Variants in CENPW observed in about 807,000 individuals in gnomAD.
The protein encoded by CENPW is centromere protein W.
A neutral mutation model predicts 11.1 loss-of-function variants in CENPW; 3 were observed. That is an observed-to-expected ratio of 0.27 (90% CI 0.12 to 0.70). The LOEUF (loss-of-function observed/expected upper bound fraction) is 0.70, where lower values mean the gene tolerates loss of function less well. Among genes scored for constraint, CENPW ranks in the 30% least tolerant of loss-of-function variants. CENPW has a pLI of 0.77. For synonymous variants in CENPW, 38 were observed against 42.0 expected, an observed-to-expected ratio of 0.91 and a Z score of 0.37; for missense variants, 100 against 105.6, an observed-to-expected ratio of 0.95 and a Z score of 0.23.
chr6:126,400,946 C>T, the CENPW span, among the ~76,000 whole-genome samples: 1 of 151,932 alleles, frequency 6.6e-6, no homozygotes, highest in Non-Finnish European at 1.5e-5. Context: ...CTGATATTGT[C>T]CAACTTTTTC....
At position 126,348,555 on chromosome 6, in the gene CENPW, G is replaced by C; in HGVS notation, c.*63G>C. Reference sequence around the variant, plus strand: ...CTTTTGGGTGGTAACAGATCATAAAGACATTTTTTACACATCAGTTAATAT... The same window carrying C: ...CTTTTGGGTGGTAACAGATCATAAACACATTTTTTACACATCAGTTAATAT... On this transcript the variant is annotated 3_prime_UTR_variant, in exon 3 of 3. Coordinates refer to ENST00000368328, the MANE Select transcript of CENPW (RefSeq NM_001012507.4). The C allele has an allele frequency of 1.0e-6, 1 of 990,014 alleles. No individual in the cohort carries two copies. Among genetic ancestry groups the C allele is most frequent in the Non-Finnish European group, 1.6e-6 (1 of 628,344 alleles). 61.3% of individuals were successfully genotyped at this position (990,014 alleles called of 1,614,324 possible). A position where few individuals can be genotyped will look rare whatever the true frequency, so the allele number is the denominator to read the frequency against.
chr6:126,380,843 A>G, the CENPW span, among the ~76,000 whole-genome samples: 1 of 152,192 alleles, frequency 6.6e-6, no homozygotes, highest in East Asian at 1.9e-4. Context: ...TAACAATGAC[A>G]TAGGAACCTT....
At chr6:126,459,301 G>C in the CENPW span, among the ~76,000 whole-genome samples, 1 of 151,272 alleles carries the variant, frequency 6.6e-6, no homozygotes. Flanking sequence ...AACTTTGCTA[G>C]AGAGTCTATA....
At chr6:126,361,095 C>T in the CENPW span, among the ~76,000 whole-genome samples, 1 of 152,088 alleles carries the variant, frequency 6.6e-6, no homozygotes, top group East Asian at 1.9e-4. Flanking sequence ...GGGTTCATTT[C>T]GCGATGCATT....
chr6:126,437,970 C>A, the CENPW span, among the ~76,000 whole-genome samples: 1 of 151,584 alleles, frequency 6.6e-6, no homozygotes, highest in East Asian at 1.9e-4. Context: ...TATAAAAACA[C>A]TTTTATATGA....
At chr6:126,468,188 C>A in the CENPW span, among the ~76,000 whole-genome samples, 2 of 151,674 alleles carry the variant, frequency 1.3e-5, no homozygotes, top group East Asian at 3.9e-4. Context: ...GGGAGGCTGA[C>A]GGGGGGCAGA....
At chr6:126,429,055 C>T in the CENPW span, among the ~76,000 whole-genome samples, 1 of 152,032 alleles carries the variant, frequency 6.6e-6, no homozygotes, top group Non-Finnish European at 1.5e-5. Context: ...GTTTGTACAA[C>T]AATTTATTTA....
At chr6:126,448,139 A>G in the CENPW span, among the ~76,000 whole-genome samples, 131 of 151,274 alleles carry the variant, frequency 8.7e-4, 1 homozygote, top group African/African-American at 2.9e-3. Flanking sequence ...TCATCCTTAG[A>G]CAGGTAGCAT....
chr6:126,434,184 G>A, the CENPW span, among the ~76,000 whole-genome samples: 1 of 152,028 alleles, frequency 6.6e-6, no homozygotes, highest in Admixed American at 6.6e-5. Context: ...AAGAGTTATG[G>A]TAGTGCTATC....
At chr6:126,455,739 GAA>G in the CENPW span, among the ~76,000 whole-genome samples, 6 of 151,348 alleles carry the variant, frequency 4.0e-5, no homozygotes, top group South Asian at 1.0e-3. Context: ...GCGAGAGAAA[GAA>G]AGAAAAGCAT....
the CENPW span, among the ~76,000 whole-genome samples, chr6:126,421,608 A>T: frequency 5.3e-5 from 8 of 151,020 alleles, no homozygotes; most frequent in African/African-American, 1.9e-4. Context: ...ACACCACATA[A>T]ACTAGGTTGG....
the CENPW span, among the ~76,000 whole-genome samples, chr6:126,397,578 G>A: frequency 3.8e-4 from 58 of 152,194 alleles, no homozygotes; most frequent in African/African-American, 1.1e-3. Flanking sequence ...TTTTGTGTGT[G>A]TGTATAGATG....
the CENPW span, among the ~76,000 whole-genome samples, chr6:126,434,534 T>C: frequency 2.0e-5 from 3 of 152,020 alleles, no homozygotes; most frequent in Non-Finnish European, 2.9e-5. Flanking sequence ...TGGCTAGACA[T>C]GTACAATTAT....
At position 126,340,359 on chromosome 6, in the gene CENPW, A is replaced by G; in HGVS notation, c.86A>G (p.Lys29Arg). 1 of 1,614,196 alleles carries G rather than the reference A, an allele frequency of 6.2e-7. No individual in the cohort carries two copies. The highest frequency in any genetic ancestry group is 8.5e-7 in the Non-Finnish European group (1 of 1,180,024). The stretch of plus-strand genomic sequence containing the variant: ...TTTCTAAAGCGAGTCTTCAAGCGAA[A>G]GAAGCCTCAACTTCGTCTGGAGAAA... ...RGFLKRVFKR[K>R]KPQLRLEKSG... is the part of the protein sequence containing the mutation. The change falls in exon 1 of 3, where the codon AAG becomes AGG. Residue 29 changes from lysine to arginine, a missense_variant. By Grantham distance (26) the Lys-to-Arg change is conservative. Coordinates refer to ENST00000368328, the MANE Select transcript of CENPW (RefSeq NM_001012507.4).
At chr6:126,461,249 TG>T in the CENPW span, among the ~76,000 whole-genome samples, 4 of 150,232 alleles carry the variant, frequency 2.7e-5, no homozygotes, top group Non-Finnish European at 5.9e-5. Flanking sequence ...GTTCTAAAAA[TG>T]GGAGTTTCCC....
At chr6:126,417,501 T>A in the CENPW span, among the ~76,000 whole-genome samples, 8 of 152,142 alleles carry the variant, frequency 5.3e-5, no homozygotes, top group African/African-American at 1.9e-4. Flanking sequence ...CCAAATCTCA[T>A]CTTAAATTCC....
chr6:126,345,943 T>C (rs1325906310), intron 1 of CENPW, among the ~76,000 whole-genome samples: 1 of 152,192 alleles, frequency 6.6e-6, no homozygotes, highest in Non-Finnish European at 1.5e-5. Context: ...CGTTTTGATA[T>C]GTAATGATGC....
At chr6:126,442,911 A>T in the CENPW span, among the ~76,000 whole-genome samples, 1 of 151,090 alleles carries the variant, frequency 6.6e-6, no homozygotes, top group African/African-American at 2.4e-5. Context: ...TTTTTTTAGC[A>T]TTTCAGTTCT....
At chr6:126,439,839 A>G in the CENPW span, among the ~76,000 whole-genome samples, 1 of 151,578 alleles carries the variant, frequency 6.6e-6, no homozygotes, top group African/African-American at 2.4e-5. Flanking sequence ...TTTTTTCTTC[A>G]TGACTTTCTG....
Sources: allele counts gnomAD v4.1 joint callset (sites outside exome capture counted in the v4.1 genomes callset), GRCh38; gene constraint gnomAD v4.1.1; transcripts MANE v1.5; gene names NCBI Gene and HGNC (gene_info 2026-07-23, HGNC 2026-07-21).